The following TLN2 variants were observed in gnomAD, a reference collection of about 807,000 sequenced individuals.
TLN2 encodes the protein talin-2.
In TLN2, 118 loss-of-function variants were observed where a neutral mutation model predicts 294.7. The observed-to-expected ratio is 0.40, with a 90% CI of 0.34 to 0.47. The LOEUF is 0.47. Among genes scored for constraint, TLN2 ranks in the 20% least tolerant of loss-of-function variants. TLN2 has a pLI of 0.84. For synonymous variants in TLN2, 1,431 were observed against 1,304.5 expected (o/e 1.10, Z -2.09); for missense variants, 3,083 against 3,282.2 (o/e 0.94, Z 1.48).
chr15:62,588,282 A>G lies in TLN2; in HGVS notation c.-237-1405A>G, dbSNP rs77021086. 1.5e-3 allele frequency among the ~76,000 whole-genome samples: 226 copies of G among 152,094 alleles called. 2 individuals are homozygous for G. Among genetic ancestry groups the G allele is most frequent in the East Asian group, 2.7e-3 (14 of 5,182 alleles). On this transcript the variant is annotated intron_variant, in intron 1 of 58. Transcript: ENST00000636159. ...AAAAATTTGTTAATTTGCTTTATCC[A>G]TTTTGAAGGGAATATTAATTTTCTT...
chr15:62,814,663 G>A (rs933584459), intron 52 of TLN2, among the ~76,000 whole-genome samples: 4 of 151,996 alleles, frequency 2.6e-5, no homozygotes, highest in East Asian at 3.9e-4. Flanking sequence ...AATATAGGCC[G>A]AAAACAAGCC....
chr15:62,638,176 C>G (rs901596829), intron 3 of TLN2: 3 of 173,460 alleles, frequency 1.7e-5, no homozygotes, highest in Non-Finnish European at 2.5e-5. Flanking sequence ...TTTTCTTACT[C>G]CCCTGCTTAC....
chr15:62,491,345 TATATATACACACACACACACACAC>T lies in TLN2; in HGVS notation c.-237-98340_-237-98317del, dbSNP rs1286424553. Among the ~76,000 whole-genome samples the T allele has an allele frequency of 9.5e-5, 11 of 115,208 alleles. No individual in the cohort carries two copies. In the South Asian group the frequency reaches 2.2e-3, roughly 23 times the overall value. 75.6% of individuals were successfully genotyped at this position (115,208 alleles called of 152,430 possible). A position where few individuals can be genotyped will look rare whatever the true frequency, so the allele number is the denominator to read the frequency against. ...CTGTCTCAAAAAAAAAAAATATATA[TATATATACACACACACACACACAC>T]ACACACACACACACACACACACACA... On this transcript the variant is annotated intron_variant, in intron 1 of 58. Transcript: ENST00000636159.
In TLN2 at chr15:62,626,729, A is replaced by G. The variant is rs182212340; in HGVS notation, c.-37+8254A>G. On this transcript the variant is annotated intron_variant, in intron 3 of 58. Transcript: ENST00000636159. Reference sequence around the variant, plus strand: ...TCAGAGATGATAAATGCCTTGTCCAAGGACACACAGCTCTTATTAAGGGCC... The same window carrying G: ...TCAGAGATGATAAATGCCTTGTCCAGGGACACACAGCTCTTATTAAGGGCC... Among the ~76,000 whole-genome samples, 28 of 152,324 alleles carry G rather than the reference A, an allele frequency of 1.8e-4. 1 individual carries two copies. In the East Asian group the frequency reaches 5.4e-3, roughly 29 times the overall value.
At chr15:62,769,352 A>G (rs1354512444) in intron 41 of TLN2, among the ~76,000 whole-genome samples, 1 of 152,150 alleles carries the variant, frequency 6.6e-6, no homozygotes, top group Non-Finnish European at 1.5e-5. Flanking sequence ...CTGTGGTTGT[A>G]TAGGCTGTGC....
rs760397258 is a variant in TLN2, at chr15:62,675,294, A to G, written c.930A>G (p.Thr310=). 3.1e-5 allele frequency: 50 copies of G among 1,614,124 alleles called. No individual in the cohort carries two copies. Among genetic ancestry groups the G allele is most frequent in the Non-Finnish European group, 4.1e-5 (48 of 1,180,042 alleles). The change falls in exon 11 of 59, where the codon ACA becomes ACG. Residue 310 remains threonine, a synonymous_variant. Coordinates refer to ENST00000636159, the MANE Select transcript of TLN2 (RefSeq NM_015059.3). ...KYVKLARSLR[T]YGVSFFLVKE... ...TCAAACTCGCACGGTCCCTCCGCAC[A>G]TATGGCGTGTCCTTCTTCCTGGTGA...
intron 1 of TLN2, among the ~76,000 whole-genome samples, chr15:62,467,766 CAG>C (rs2140355108): frequency 6.6e-6 from 1 of 152,266 alleles, no homozygotes; most frequent in South Asian, 2.1e-4. Flanking sequence ...AGCTAGAACA[CAG>C]AACTTCATAA....
At chr15:62,564,925 A>AATATATATATATAT (rs1555430771) in intron 1 of TLN2, among the ~76,000 whole-genome samples, 4 of 80,626 alleles carry the variant, frequency 5.0e-5, no homozygotes, top group African/African-American at 1.9e-4. Flanking sequence ...AAAAAAAAAA[A>AATATATATATATAT]ATATATATAT....
intron 9 of TLN2, among the ~76,000 whole-genome samples, chr15:62,658,786 A>C (rs976323052): frequency 6.6e-6 from 1 of 152,222 alleles, no homozygotes; most frequent in Admixed American, 6.5e-5. Context: ...GGCCATGTGC[A>C]CAAGTTCCTT....
At chr15:62,654,037 A>G (rs2052913946) in intron 7 of TLN2, among the ~76,000 whole-genome samples, 1 of 152,230 alleles carries the variant, frequency 6.6e-6, no homozygotes, top group Non-Finnish European at 1.5e-5. Flanking sequence ...TAACATATCC[A>G]TCACCTCACC....
intron 2 of TLN2, among the ~76,000 whole-genome samples, chr15:62,613,560 C>T (rs1353670040): frequency 1.3e-5 from 2 of 152,118 alleles, no homozygotes; most frequent in East Asian, 1.9e-4. Flanking sequence ...TGTGTCCCAG[C>T]GATTCTACTT....
chr15:62,713,929 A>ATATGC (rs368958929), intron 22 of TLN2, among the ~76,000 whole-genome samples: 19,299 of 122,262 alleles, frequency 0.16, 2,513 homozygotes, highest in Non-Finnish European at 0.25. Flanking sequence ...GTGTGTGTGT[A>ATATGC]TGTGTGTGTG....
Position 62,836,061 on chromosome 15 carries a change from G to C in TLN2, c.7362G>C (p.Met2454Ile), listed in dbSNP as rs1300682451. 6.2e-7 allele frequency: 1 copy of C among 1,610,160 alleles called. No individual in the cohort carries two copies. The highest frequency in any genetic ancestry group is 8.5e-7 in the Non-Finnish European group (1 of 1,178,354). The part of the protein sequence containing the change: ...KVKADQDSEA[M>I]RRLQAAGNAV... ...AGGCCGACCAGGATTCAGAGGCCAT[G>C]AGGCGGCTACAGGTAATGGTCACTG... is the stretch of plus-strand genomic sequence containing the variant. The change falls in exon 57 of 59, where the codon ATG becomes ATC. Residue 2454 changes from methionine to isoleucine, a missense_variant. Transcript: ENST00000636159.
At chr15:62,623,547 C>T (rs963070341) in intron 3 of TLN2, among the ~76,000 whole-genome samples, 1 of 152,184 alleles carries the variant, frequency 6.6e-6, no homozygotes, top group African/African-American at 2.4e-5. Flanking sequence ...GAGAATGCAT[C>T]GTACCTAAAT....
chr15:62,833,265 C>A, intron 54 of TLN2: 1 of 492,790 alleles, frequency 2.0e-6, no homozygotes, highest in Non-Finnish European at 3.6e-6. Flanking sequence ...AGGTACCAGC[C>A]ACATCTTCCA....
At chr15:62,455,092 ATAAC>A (rs143975238) in intron 1 of TLN2, among the ~76,000 whole-genome samples, 3,898 of 152,260 alleles carry the variant, frequency 0.026, 94 homozygotes, top group Middle Eastern at 0.044. Flanking sequence ...AGAAAAATAA[ATAAC>A]TATTTTTAAA....
chr15:62,593,363 C>T (rs1039733650), intron 2 of TLN2, among the ~76,000 whole-genome samples: 1 of 152,230 alleles, frequency 6.6e-6, no homozygotes, highest in Non-Finnish European at 1.5e-5. Context: ...GCGCTCCTCA[C>T]TCTGCTGTTT....
At position 62,450,567 on chromosome 15, in the gene TLN2, G is replaced by GTGTC. The variant is rs1555409169; in HGVS notation, c.-238+59885_-238+59886insCTGT. Among the ~76,000 whole-genome samples, 104 of 150,886 alleles carry GTGTC rather than the reference G, an allele frequency of 6.9e-4. 2 individuals are homozygous for GTGTC. Among genetic ancestry groups the GTGTC allele is most frequent in the African/African-American group, 2.4e-3 (99 of 40,916 alleles). The stretch of plus-strand genomic sequence containing the variant: ...TATGTATGTGTGTGTGTGTGTGTGT[G>GTGTC]TGTGTGTCTGTGTGTGTGTGTGTTT... On this transcript the variant is annotated intron_variant, in intron 1 of 58. Coordinates refer to ENST00000636159, the MANE Select transcript of TLN2 (RefSeq NM_015059.3).
At position 62,761,834 on chromosome 15, in the gene TLN2, T is replaced by C; in HGVS notation, c.4779+13T>C. 6.2e-7 allele frequency: 1 copy of C among 1,614,028 alleles called. No homozygotes were observed. The highest frequency in any genetic ancestry group is 8.5e-7 in the Non-Finnish European group (1 of 1,179,932). On this transcript the variant is annotated intron_variant, in intron 38 of 58. Coordinates refer to ENST00000636159, the MANE Select transcript of TLN2 (RefSeq NM_015059.3). ...GATCAGCTCCGAGGTAGGGAGTGTT[T>C]ACAGGAACATCATACTAAGGTCTTT...
Sources: allele counts gnomAD v4.1 joint callset (sites outside exome capture counted in the v4.1 genomes callset), GRCh38; gene constraint gnomAD v4.1.1; transcripts MANE v1.5; gene names NCBI Gene and HGNC (gene_info 2026-07-23, HGNC 2026-07-21).